Variants in LINGO2 observed in about 807,000 individuals in gnomAD.
LINGO2 encodes leucine rich repeat and Ig domain containing 2, also known as leucine-rich repeat and immunoglobulin-like domain-containing nogo receptor-interacting protein 2.
In LINGO2, 14 loss-of-function variants were observed where a neutral mutation model predicts 30.6. The ratio of observed to expected loss-of-function variants is 0.46; its 90% confidence interval spans 0.30 to 0.72. The LOEUF is 0.72. LINGO2 is among the 30% of genes least tolerant of loss of function. LINGO2 has a pLI of 0.07. For missense variants in LINGO2, 729 were observed against 751.7 expected, an observed-to-expected ratio of 0.97 and a Z score of 0.35; for synonymous variants, 317 against 288.5, an observed-to-expected ratio of 1.10 and a Z score of -1.00.
At chr9:27,957,662 T>G (rs1819642398) in intron 5 of LINGO2, among the ~76,000 whole-genome samples, 1 of 141,710 alleles carries the variant, frequency 7.1e-6, no homozygotes, top group South Asian at 2.1e-4. Context: ...TTTGTCTTCT[T>G]TTCCAAAAAT....
At chr9:28,530,503 C>T (rs542669626) in intron 1 of LINGO2, among the ~76,000 whole-genome samples, 31 of 152,190 alleles carry the variant, frequency 2.0e-4, no homozygotes, top group African/African-American at 7.5e-4. Flanking sequence ...AACATAACGG[C>T]CCCATGCACA....
chr9:28,033,108 G>C (rs550028766), intron 4 of LINGO2, among the ~76,000 whole-genome samples: 64 of 152,314 alleles, frequency 4.2e-4, no homozygotes, highest in African/African-American at 1.4e-3. Context: ...TGCATTTGCT[G>C]CTATGATCCC....
intron 1 of LINGO2, among the ~76,000 whole-genome samples, chr9:28,591,719 T>C (rs1646268382): frequency 6.6e-6 from 1 of 152,002 alleles, no homozygotes; most frequent in Admixed American, 6.6e-5. Flanking sequence ...GAGAAAGTAA[T>C]GCAGCAAAAG....
At chr9:28,031,046 A>G (rs1295596447) in intron 4 of LINGO2, among the ~76,000 whole-genome samples, 1 of 152,178 alleles carries the variant, frequency 6.6e-6, no homozygotes, top group East Asian at 1.9e-4. Flanking sequence ...CCCAATTCTA[A>G]TATTGATTCT....
rs75618651 is a variant in LINGO2 at position 28,429,889 on chromosome 9, T to C, written c.-279+46051A>G. On this transcript the variant is annotated intron_variant, in intron 2 of 5. Coordinates refer to ENST00000379992, the Ensembl canonical transcript of LINGO2. Reference sequence around the variant, plus strand: ...TGAAGATAGCCTAGGTAGGATGTTATGAGATTTGCAGTTCAGTTTCACAAA... The same window carrying C: ...TGAAGATAGCCTAGGTAGGATGTTACGAGATTTGCAGTTCAGTTTCACAAA... Among the ~76,000 whole-genome samples the C allele has an allele frequency of 1.4e-4, 21 of 152,080 alleles. No individual in the cohort carries two copies. In the East Asian group the frequency reaches 4.1e-3, roughly 29 times the overall value.
intron 4 of LINGO2, among the ~76,000 whole-genome samples, chr9:28,076,316 T>G (rs561474081): frequency 2.8e-4 from 42 of 152,096 alleles, no homozygotes; most frequent in Non-Finnish European, 4.4e-4. Context: ...TCCATTCTGT[T>G]AATTGATACC....
chr9:28,741,594 C>T, the LINGO2 span, among the ~76,000 whole-genome samples: 1 of 152,000 alleles, frequency 6.6e-6, no homozygotes, highest in East Asian at 1.9e-4. Flanking sequence ...GAGCATAGCA[C>T]TGCTGGGGTC....
At chr9:29,186,925 T>A in the LINGO2 span, among the ~76,000 whole-genome samples, 1 of 152,170 alleles carries the variant, frequency 6.6e-6, no homozygotes. Flanking sequence ...ATGACAATAA[T>A]AATAAAATTG....
chr9:28,906,443 T>C, the LINGO2 span, among the ~76,000 whole-genome samples: 2 of 151,688 alleles, frequency 1.3e-5, no homozygotes, highest in Non-Finnish European at 2.9e-5. Context: ...AAATAATTAA[T>C]TTTAAAAGGA....
chr9:28,886,088 A>T, the LINGO2 span, among the ~76,000 whole-genome samples: 1 of 152,218 alleles, frequency 6.6e-6, no homozygotes, highest in African/African-American at 2.4e-5. Context: ...AAATAGAATA[A>T]CCTAGAATTG....
At chr9:29,155,268 C>A in the LINGO2 span, among the ~76,000 whole-genome samples, 62 of 152,128 alleles carry the variant, frequency 4.1e-4, no homozygotes, top group African/African-American at 1.4e-3. Flanking sequence ...ATATGATGAT[C>A]TTTTTCTTCT....
upstream of LINGO2, among the ~76,000 whole-genome samples, chr9:28,673,667 GATCATCATCATC>G (rs139919509): frequency 3.4e-5 from 5 of 147,060 alleles, no homozygotes; most frequent in Non-Finnish European, 7.4e-5. Context: ...ACTCTGTCTC[GATCATCATCATC>G]ATCATCATCA....
At chr9:29,202,237 T>C in the LINGO2 span, among the ~76,000 whole-genome samples, 2 of 151,698 alleles carry the variant, frequency 1.3e-5, no homozygotes, top group Non-Finnish European at 2.9e-5. Flanking sequence ...AGTAGAGAGA[T>C]TCCAGGAATT....
chr9:28,262,341 G>T (rs2134050785), intron 4 of LINGO2, among the ~76,000 whole-genome samples: 1 of 151,808 alleles, frequency 6.6e-6, no homozygotes, highest in South Asian at 2.1e-4. Flanking sequence ...AATTACAAAA[G>T]ATCTATTATA....
intron 4 of LINGO2, among the ~76,000 whole-genome samples, chr9:28,052,632 A>G (rs1002844691): frequency 2.1e-4 from 32 of 152,122 alleles, no homozygotes; most frequent in African/African-American, 6.8e-4. Flanking sequence ...ATGGGTCCTC[A>G]AAGATGAAAC....
chr9:29,045,203 C>T, the LINGO2 span, among the ~76,000 whole-genome samples: 1 of 152,016 alleles, frequency 6.6e-6, no homozygotes, highest in Non-Finnish European at 1.5e-5. Flanking sequence ...TTCATCATGG[C>T]TACTCAGAAA....
At chr9:28,957,610 T>G in the LINGO2 span, among the ~76,000 whole-genome samples, 1 of 152,168 alleles carries the variant, frequency 6.6e-6, no homozygotes, top group East Asian at 1.9e-4. Flanking sequence ...GTCTCCAATC[T>G]GTGGAATATA....
intron 2 of LINGO2, among the ~76,000 whole-genome samples, chr9:28,458,614 T>A (rs1282794526): frequency 6.6e-6 from 1 of 152,138 alleles, no homozygotes; most frequent in Non-Finnish European, 1.5e-5. Flanking sequence ...GAAACTGAAG[T>A]TCCCCTTCCA....
chr9:29,026,649 T>G, the LINGO2 span, among the ~76,000 whole-genome samples: 3 of 152,280 alleles, frequency 2.0e-5, no homozygotes, highest in East Asian at 5.8e-4. Flanking sequence ...TATGAATTAC[T>G]TCTAGATGTT....
Sources: gnomAD v4.1 joint callset for allele counts (sites outside exome capture counted in the v4.1 genomes callset) on GRCh38, gnomAD v4.1.1 for gene constraint, MANE v1.5 for transcripts, NCBI Gene and HGNC (gene_info 2026-07-23, HGNC 2026-07-21) for gene names.